SIK2: variants seen among roughly 807,000 people sequenced by gnomAD.
The protein encoded by SIK2 is salt inducible kinase 2, also known as serine/threonine-protein kinase SIK2.
A neutral mutation model predicts 103.2 loss-of-function variants in SIK2; 29 were observed. The observed-to-expected ratio is 0.28, with a 90% CI of 0.21 to 0.38. The LOEUF (loss-of-function observed/expected upper bound fraction) is 0.38. Ranked by LOEUF, SIK2 falls within the 10% of genes least tolerant of loss-of-function variation. The probability of loss-of-function intolerance (pLI) is 1.00; values close to 1 mark genes in which losing one functional copy is unlikely to be tolerated. For missense variants in SIK2, 879 were observed against 1,171.0 expected, an observed-to-expected ratio of 0.75 and a Z score of 3.64; for synonymous variants, 412 against 446.1, an observed-to-expected ratio of 0.92 and a Z score of 0.96.
rs1327619259 is a variant in SIK2, at chr11:111,726,024, C to T, written c.*1895C>T. 4.6e-5 allele frequency: 7 copies of T among 152,142 alleles called. No individual in the cohort carries two copies. The highest frequency in any genetic ancestry group is 1.4e-4 in the African/African-American group (6 of 41,412). 9.4% of individuals were successfully genotyped at this position (152,142 alleles called of 1,614,324 possible). ...TGCTCGTGCTTAAGATTGATGATTT[C>T]GTGAAATAAAGAACATCATTTCATT... On this transcript the variant is annotated 3_prime_UTR_variant, in exon 15 of 15. Transcript: ENST00000304987.
intron 3 of SIK2, among the ~76,000 whole-genome samples, chr11:111,655,114 T>A (rs1181664686): frequency 3.3e-5 from 5 of 152,210 alleles, no homozygotes; most frequent in Non-Finnish European, 5.9e-5. Context: ...AAAAATGTTT[T>A]TCTCTGGCTG....
At chr11:111,612,657 G>C (rs567008300) in intron 1 of SIK2, among the ~76,000 whole-genome samples, 1 of 152,086 alleles carries the variant, frequency 6.6e-6, no homozygotes, top group African/African-American at 2.4e-5. Context: ...AATGGAGACC[G>C]CCTTCAGGTT....
chr11:111,676,606 G>T (rs1942706914), intron 3 of SIK2, among the ~76,000 whole-genome samples: 2 of 152,280 alleles, frequency 1.3e-5, no homozygotes, highest in East Asian at 3.9e-4. Context: ...AAGTAAAAGA[G>T]ATATATTTGC....
chr11:111,622,357 G>A lies in SIK2; in HGVS notation c.316+1955G>A, dbSNP rs1307112633. On this transcript the variant is annotated intron_variant, in intron 3 of 14. Coordinates refer to ENST00000304987, the MANE Select transcript of SIK2 (RefSeq NM_015191.3). The stretch of plus-strand genomic sequence containing the variant: ...TGCAAGCTCCGCCTCCCAGGTTCAC[G>A]CCATTCTCCTGCCTCAGCCTCCCAA... Among the ~76,000 whole-genome samples the A allele has an allele frequency of 5.8e-5, 8 of 138,974 alleles. No homozygotes were observed. The South Asian group carries it at 9.3e-4, about 16-fold the overall frequency. The allele number at this position is 138,974 out of a possible 152,430, so 91.2% of individuals were successfully genotyped here.
At chr11:111,641,565 A>T (rs926724252) in intron 3 of SIK2, among the ~76,000 whole-genome samples, 1 of 151,958 alleles carries the variant, frequency 6.6e-6, no homozygotes, top group Non-Finnish European at 1.5e-5. Context: ...TTATATTTTC[A>T]TTGCCTTAAC....
rs747434887 is a variant in SIK2, at chr11:111,721,050, C to T, written c.1932C>T (p.Ser644=). The T allele has an allele frequency of 1.9e-6, 3 of 1,613,326 alleles. No individual in the cohort carries two copies. In the South Asian group the frequency reaches 3.3e-5, roughly 18 times the overall value. The change falls in exon 12 of 15, where the codon AGC becomes AGT. Residue 644 remains serine, a synonymous_variant. Transcript: ENST00000304987. ...CTCCTCAGCTCCAGGACCTTGCTAG[C>T]AGCTGCCCTCAGGTGGGTACCTTGG... is the stretch of plus-strand genomic sequence containing the variant. ...PAAPQLQDLA[S]SCPQEEVSQQ...
intron 3 of SIK2, among the ~76,000 whole-genome samples, chr11:111,622,952 CA>C (rs1941913046): frequency 6.6e-6 from 1 of 152,138 alleles, no homozygotes; most frequent in South Asian, 2.1e-4. Context: ...CTCTTTTCAT[CA>C]AATTTGGATA....
At chr11:111,683,098 A>C (rs923582341) in intron 3 of SIK2, 1 of 152,358 alleles carries the variant, frequency 6.6e-6, no homozygotes, top group Admixed American at 6.5e-5. Context: ...TTATTCATCA[A>C]AAATACATAA....
In SIK2 at chr11:111,620,421, A is replaced by AT; in HGVS notation, c.316+23dup. ...ATTTTTGGTAAGCTTTTTCCTTTAA[A>AT]TTTTCTATTAATTTGAAAAATTCAC... is the stretch of plus-strand genomic sequence containing the variant. On this transcript the variant is annotated intron_variant, in intron 3 of 14. Coordinates refer to ENST00000304987, the MANE Select transcript of SIK2 (RefSeq NM_015191.3). 1 of 1,517,816 alleles carries AT rather than the reference A, an allele frequency of 6.6e-7. No homozygotes were observed. Among genetic ancestry groups the AT allele is most frequent in the Non-Finnish European group, 9.0e-7 (1 of 1,112,870 alleles). The allele number at this position is 1,517,816 out of a possible 1,614,324, so 94.0% of individuals were successfully genotyped here. A position where few individuals can be genotyped will look rare whatever the true frequency, so the allele number is the denominator to read the frequency against.
rs117627222 is a variant in SIK2 at position 111,723,982 on chromosome 11, G to T, written c.2634G>T (p.Thr878=). Residue 878 remains threonine (T), a synonymous_variant, in exon 15 of 15, where the codon ACG becomes ACT. Transcript: ENST00000304987. ...PVDGAQQSDL[T]GPDCPRSPGL... is the part of the protein sequence containing the mutation. ...ATGGAGCCCAGCAGAGCGACCTAACGGGGCCAGACTGTCCCAGAAGCCCAG... is the reference window on the plus strand; with the variant it reads ...ATGGAGCCCAGCAGAGCGACCTAACTGGGCCAGACTGTCCCAGAAGCCCAG... 2.5e-6 allele frequency: 4 copies of T among 1,613,990 alleles called. No homozygotes were observed. Among genetic ancestry groups the T allele is most frequent in the African/African-American group, 1.3e-5 (1 of 74,916 alleles).
At chr11:111,695,195 G>A (rs1277068072) in intron 4 of SIK2, among the ~76,000 whole-genome samples, 3 of 152,040 alleles carry the variant, frequency 2.0e-5, no homozygotes, top group South Asian at 4.1e-4. Context: ...ACTCTTCATC[G>A]AGGCTGGGTA....
chr11:111,698,193 T>C (rs1163258932), intron 4 of SIK2, among the ~76,000 whole-genome samples: 1 of 152,190 alleles, frequency 6.6e-6, no homozygotes, highest in African/African-American at 2.4e-5. Flanking sequence ...GTACCACTCC[T>C]CCTGTAAGCA....
chr11:111,712,154 G>T, intron 8 of SIK2, 57 bp from the exon 9 acceptor site: 1 of 1,486,564 alleles, frequency 6.7e-7, no homozygotes, highest in South Asian at 1.2e-5. Flanking sequence ...AGAACTTTGT[G>T]TATTTATAGA....
intron 3 of SIK2, among the ~76,000 whole-genome samples, chr11:111,661,761 A>G (rs1164065919): frequency 6.6e-6 from 1 of 152,240 alleles, no homozygotes; most frequent in Non-Finnish European, 1.5e-5. Context: ...CTTACATGGC[A>G]GCAGGCAAGA....
intron 9 of SIK2, among the ~76,000 whole-genome samples, chr11:111,715,016 T>G (rs567332029): frequency 2.6e-5 from 4 of 152,216 alleles, no homozygotes; most frequent in Non-Finnish European, 4.4e-5. Context: ...ACTGCTGTAT[T>G]ATATAGGGCA....
intron 1 of SIK2, among the ~76,000 whole-genome samples, chr11:111,604,957 A>ATTTTT (rs11412519): frequency 4.5e-5 from 6 of 133,920 alleles, no homozygotes; most frequent in African/African-American, 1.3e-4. Context: ...GTTGCTCTGA[A>ATTTTT]TTTTTTTTTT....
At chr11:111,698,363 T>C (rs1316199142) in intron 4 of SIK2, among the ~76,000 whole-genome samples, 2 of 152,236 alleles carry the variant, frequency 1.3e-5, no homozygotes, top group South Asian at 2.1e-4. Context: ...GACAGGCCTC[T>C]GTCCCATTCA....
At chr11:111,621,838 C>T (rs755857200) in intron 3 of SIK2, among the ~76,000 whole-genome samples, 1 of 151,932 alleles carries the variant, frequency 6.6e-6, no homozygotes, top group Non-Finnish European at 1.5e-5. Context: ...CACTTGAACT[C>T]GGAGGCGGAG....
chr11:111,717,323 A>AAG (rs1422971280), intron 9 of SIK2, among the ~76,000 whole-genome samples: 1 of 135,836 alleles, frequency 7.4e-6, no homozygotes, highest in Non-Finnish European at 1.5e-5. Flanking sequence ...GTCTCAAAAA[A>AAG]AAAAAAAAAA....
Sources: allele counts gnomAD v4.1 joint callset (sites outside exome capture counted in the v4.1 genomes callset), GRCh38; gene constraint gnomAD v4.1.1; transcripts MANE v1.5; gene names NCBI Gene and HGNC (gene_info 2026-07-23, HGNC 2026-07-21).